Variants in CLDN12 observed in about 807,000 individuals in gnomAD.
CLDN12 encodes the protein claudin-12.
CLDN12 carries 9 observed loss-of-function variants against 15.5 expected under a neutral mutation model. The ratio of observed to expected loss-of-function variants is 0.58; its 90% confidence interval spans 0.35 to 1.02. The LOEUF (loss-of-function observed/expected upper bound fraction) is 1.02. CLDN12 is among the 50% of genes least tolerant of loss of function. The pLI is 0.02. For missense variants in CLDN12, 233 were observed against 297.3 expected (o/e 0.78, Z 1.59); for synonymous variants, 140 against 121.6 (o/e 1.15, Z -1.00).
chr7:90,413,137 T>C lies in CLDN12; in HGVS notation c.461T>C (p.Val154Ala), dbSNP rs1797002010. ...GTVSLSPSIW[V>A]IFYNIHLNKK... Reference sequence around the variant, plus strand: ...GTGAGCCTCTCCCCATCTATCTGGGTCATCTTTTATAACATCCATCTGAAC... The same window carrying C: ...GTGAGCCTCTCCCCATCTATCTGGGCCATCTTTTATAACATCCATCTGAAC... The change falls in exon 4 of 4, where the codon GTC (valine) becomes GCC (alanine). Residue 154 changes from valine (V) to alanine (A), a missense_variant. Val to Ala is a moderately conservative substitution (Grantham distance 64, BLOSUM62 0). Coordinates refer to ENST00000496677, the MANE Select transcript of CLDN12 (RefSeq NM_001185072.3). 1 of 1,614,218 alleles carries C rather than the reference T, an allele frequency of 6.2e-7. No homozygotes were observed. The highest frequency in any genetic ancestry group is 1.3e-5 in the African/African-American group (1 of 75,054).
chr7:90,407,615 C>T (rs1796865651), intron 2 of CLDN12, among the ~76,000 whole-genome samples: 1 of 152,122 alleles, frequency 6.6e-6, no homozygotes, highest in Non-Finnish European at 1.5e-5. Flanking sequence ...CTGGAATTCA[C>T]AGTCTGATGG....
At chr7:90,411,742 C>G (rs1441101751) in intron 2 of CLDN12, among the ~76,000 whole-genome samples, 1 of 152,150 alleles carries the variant, frequency 6.6e-6, no homozygotes, top group Non-Finnish European at 1.5e-5. Context: ...AGCTCATTTA[C>G]TTTTTATAAT....
intron 3 of CLDN12, 85 bp from the exon 4 acceptor site, chr7:90,412,559 G>A (rs2115895894): frequency 9.6e-7 from 1 of 1,042,998 alleles, no homozygotes; most frequent in Non-Finnish European, 1.4e-6. Context: ...TTCATCATTA[G>A]ATGTGTTGCC....
chr7:90,407,705 A>G (rs1429680304), intron 2 of CLDN12, among the ~76,000 whole-genome samples: 2 of 152,242 alleles, frequency 1.3e-5, no homozygotes, highest in Non-Finnish European at 2.9e-5. Context: ...CTACCACAGC[A>G]TATAACCAGG....
chr7:90,406,531 C>G (rs1360545188), intron 2 of CLDN12, among the ~76,000 whole-genome samples: 2 of 152,078 alleles, frequency 1.3e-5, no homozygotes, highest in Middle Eastern at 3.2e-3. Context: ...ATGTTTCTAG[C>G]TGAAAAAAGT....
rs1040420941 is a variant in CLDN12, at chr7:90,414,740, T to C, written c.*1329T>C. Reference sequence around the variant, plus strand: ...GCCTAGATTTTGTAATAACACTGATTTATGAGAATGGACAAAAGTGGTAGG... The same window carrying C: ...GCCTAGATTTTGTAATAACACTGATCTATGAGAATGGACAAAAGTGGTAGG... On this transcript the variant is annotated 3_prime_UTR_variant, in exon 4 of 4. Coordinates refer to ENST00000496677, the MANE Select transcript of CLDN12 (RefSeq NM_001185072.3). The C allele has an allele frequency of 6.0e-6, 1 of 167,042 alleles. No homozygotes were observed. The highest frequency in any genetic ancestry group is 2.4e-5 in the African/African-American group (1 of 41,448). 10.3% of individuals were successfully genotyped at this position (167,042 alleles called of 1,614,324 possible).
chr7:90,412,593 T>A, intron 3 of CLDN12, 51 bp from the exon 4 acceptor site: 1 of 1,453,034 alleles, frequency 6.9e-7, no homozygotes. Flanking sequence ...CTTCCTGCTC[T>A]GTTCTGCTAT....
At chr7:90,410,523 T>G (rs535521061) in intron 2 of CLDN12, among the ~76,000 whole-genome samples, 6 of 152,348 alleles carry the variant, frequency 3.9e-5, no homozygotes, top group African/African-American at 1.4e-4. Flanking sequence ...GGCATTTTTT[T>G]GGTTAGTAAA....
rs566157753 is a variant in CLDN12, at chr7:90,412,958, G to A, written c.282G>A (p.Met94Ile). 6.2e-7 allele frequency: 1 copy of A among 1,614,046 alleles called. No individual in the cohort carries two copies. Among genetic ancestry groups the A allele is most frequent in the Non-Finnish European group, 8.5e-7 (1 of 1,180,024 alleles). ...RVLQFALPLS[M>I]LIAMGALLLC... ...TCCAGTTTGCCCTACCCCTCAGCATGCTGATCGCCATGGGTGCCCTGCTGC... is the reference window on the plus strand; with the variant it reads ...TCCAGTTTGCCCTACCCCTCAGCATACTGATCGCCATGGGTGCCCTGCTGC... Residue 94 changes from methionine (M) to isoleucine (I), a missense_variant, in exon 4 of 4, where the codon ATG becomes ATA. Coordinates refer to ENST00000496677, the MANE Select transcript of CLDN12 (RefSeq NM_001185072.3).
intron 1 of CLDN12, among the ~76,000 whole-genome samples, chr7:90,404,618 A>C (rs572234705): frequency 6.6e-6 from 1 of 152,266 alleles, no homozygotes; most frequent in African/African-American, 2.4e-5. Flanking sequence ...CTTTTTTAAA[A>C]ATGTAAAAGA....
In CLDN12 at chr7:90,413,240, T is replaced by G. The variant is rs747247531; in HGVS notation, c.564T>G (p.Thr188=). 3.1e-6 allele frequency: 5 copies of G among 1,614,192 alleles called. No homozygotes were observed. The highest frequency in any genetic ancestry group is 4.2e-6 in the Non-Finnish European group (5 of 1,180,016). Residue 188 remains threonine, a synonymous_variant, in exon 4 of 4, where the codon ACT becomes ACG. Transcript: ENST00000496677. ...CTAGTGCTGGGGGCCTGTTTATGACTTCCCTTATACTATTTATTTGGTATT... is the reference window on the plus strand; with the variant it reads ...CTAGTGCTGGGGGCCTGTTTATGACGTCCCTTATACTATTTATTTGGTATT... ...TIASAGGLFM[T]SLILFIWYCT...
rs548699013 is a variant in CLDN12, at chr7:90,405,011, G to A, written c.-166-508G>A. On this transcript the variant is annotated intron_variant, in intron 1 of 3. Coordinates refer to ENST00000496677, the MANE Select transcript of CLDN12 (RefSeq NM_001185072.3). ...GGGCTCAAGTGATCCTTCCATGTCAGCCTCCCAAGAAACTGGGACAACACG... is the reference window on the plus strand; with the variant it reads ...GGGCTCAAGTGATCCTTCCATGTCAACCTCCCAAGAAACTGGGACAACACG... Among the ~76,000 whole-genome samples, 7 of 151,526 alleles carry A rather than the reference G, an allele frequency of 4.6e-5. No individual in the cohort carries two copies. In the East Asian group the frequency reaches 1.2e-3, roughly 25 times the overall value.
chr7:90,406,047 G>A (rs1166085132), intron 2 of CLDN12: 1 of 152,448 alleles, frequency 6.6e-6, no homozygotes, highest in African/African-American at 2.4e-5. Context: ...AGGCTGCAGT[G>A]AGCCATGATT....
In CLDN12 at chr7:90,413,991, G is replaced by A. The variant is rs1012253900; in HGVS notation, c.*580G>A. On this transcript the variant is annotated 3_prime_UTR_variant, in exon 4 of 4. Transcript: ENST00000496677. ...TCATGCCACTGTTTAAAAGTAAAAC[G>A]TATTTTAACGATGTTAGAATAAGAC... 2.3e-5 allele frequency: 22 copies of A among 976,708 alleles called. No individual in the cohort carries two copies. The highest frequency in any genetic ancestry group is 1.4e-4 in the African/African-American group (8 of 56,716). The allele number at this position is 976,708 out of a possible 1,614,324, so 60.5% of individuals were successfully genotyped here.
At chr7:90,404,554 A>T (rs1341530631) in intron 1 of CLDN12, among the ~76,000 whole-genome samples, 1 of 152,178 alleles carries the variant, frequency 6.6e-6, no homozygotes. Flanking sequence ...TTCTGGTTGC[A>T]AATTTCAGGA....
In CLDN12 at chr7:90,413,931, T is replaced by C; in HGVS notation, c.*520T>C. ...AATTGTATGAATAGGTGTCAGTATG[T>C]TGAAGATTACTTTCTTTTGTGACTT... On this transcript the variant is annotated 3_prime_UTR_variant, in exon 4 of 4. Transcript: ENST00000496677. 1 of 997,010 alleles carries C rather than the reference T, an allele frequency of 1.0e-6. No homozygotes were observed. The highest frequency in any genetic ancestry group is 1.2e-6 in the Non-Finnish European group (1 of 827,508). The allele number at this position is 997,010 out of a possible 1,614,324, so 61.8% of individuals were successfully genotyped here. A position where few individuals can be genotyped will look rare whatever the true frequency, so the allele number is the denominator to read the frequency against.
Position 90,413,753 on chromosome 7 carries a change from A to G in CLDN12, c.*342A>G. ...GCAGAAGCTGTTGTATACAATCTTC[A>G]TGAAAATTTCAGTGTGTATTTTTCT... On this transcript the variant is annotated 3_prime_UTR_variant, in exon 4 of 4. Coordinates refer to ENST00000496677, the MANE Select transcript of CLDN12 (RefSeq NM_001185072.3). The G allele has an allele frequency of 1.9e-6, 2 of 1,034,214 alleles. No homozygotes were observed. The highest frequency in any genetic ancestry group is 2.3e-6 in the Non-Finnish European group (2 of 852,978). The allele number at this position is 1,034,214 out of a possible 1,614,324, so 64.1% of individuals were successfully genotyped here.
Position 90,413,545 on chromosome 7 carries a change from A to G in CLDN12, c.*134A>G, listed in dbSNP as rs1414265200. On this transcript the variant is annotated 3_prime_UTR_variant, in exon 4 of 4. Coordinates refer to ENST00000496677, the MANE Select transcript of CLDN12 (RefSeq NM_001185072.3). ...TGAAGCCAAATTTATATGTCCTAGTAGAATGAAGTGCTGCTAGTTTTTATG... is the reference window on the plus strand; with the variant it reads ...TGAAGCCAAATTTATATGTCCTAGTGGAATGAAGTGCTGCTAGTTTTTATG... 2 of 1,458,050 alleles carry G rather than the reference A, an allele frequency of 1.4e-6. No homozygotes were observed. The highest frequency in any genetic ancestry group is 9.0e-7 in the Non-Finnish European group (1 of 1,105,968). The allele number at this position is 1,458,050 out of a possible 1,614,324, so 90.3% of individuals were successfully genotyped here.
intron 2 of CLDN12, among the ~76,000 whole-genome samples, chr7:90,411,723 T>C (rs1375314500): frequency 1.3e-5 from 2 of 152,298 alleles, no homozygotes; most frequent in South Asian, 2.1e-4. Flanking sequence ...GACTGACTCA[T>C]TGGAGATGAG....
Sources: allele counts gnomAD v4.1 joint callset (sites outside exome capture counted in the v4.1 genomes callset), GRCh38; gene constraint gnomAD v4.1.1; transcripts MANE v1.5; gene names NCBI Gene and HGNC (gene_info 2026-07-23, HGNC 2026-07-21).